The following CMIP variants were observed in gnomAD, a reference collection of about 807,000 sequenced individuals.
CMIP encodes the protein C-Maf-inducing protein.
CMIP carries 13 observed loss-of-function variants against 97.3 expected under a neutral mutation model. The observed-to-expected ratio is 0.13, with a 90% CI of 0.09 to 0.21. The LOEUF (loss-of-function observed/expected upper bound fraction) is 0.21, where lower values mean the gene tolerates loss of function less well. Among genes scored for constraint, CMIP ranks in the 10% least tolerant of loss-of-function variants. The pLI is 1.00. For synonymous variants in CMIP, 538 were observed against 436.3 expected, an observed-to-expected ratio of 1.23 and a Z score of -2.91; for missense variants, 847 against 1,024.9, an observed-to-expected ratio of 0.83 and a Z score of 2.37.
rs1483109723 is a variant in CMIP at position 81,661,369 on chromosome 16, G to A, written c.744+423G>A. Among the ~76,000 whole-genome samples the A allele has an allele frequency of 3.9e-5, 6 of 152,376 alleles. No homozygotes were observed. The East Asian group carries it at 9.6e-4, about 24-fold the overall frequency. The stretch of plus-strand genomic sequence containing the variant: ...GTTAGCTTAGAGGAGCTGTGGAGCA[G>A]GGCATCCGCTGCCGGGCACCCGGCG... On this transcript the variant is annotated intron_variant, in intron 6 of 20. Coordinates refer to ENST00000537098, the MANE Select transcript of CMIP (RefSeq NM_198390.3).
In CMIP at chr16:81,577,539, A is replaced by C. The variant is rs111171279; in HGVS notation, c.301-30028A>C. Among the ~76,000 whole-genome samples, 245 of 88,754 alleles carry C rather than the reference A, an allele frequency of 2.8e-3. 1 individual carries two copies. Among genetic ancestry groups the C allele is most frequent in the Middle Eastern group, 8.8e-3 (1 of 114 alleles). The allele number at this position is 88,754 out of a possible 152,430, so 58.2% of individuals were successfully genotyped here. On this transcript the variant is annotated intron_variant, in intron 1 of 20. Transcript: ENST00000537098. ...TCATCACCACCATCATCCCCATTAC[A>C]ACTATATTATTATCACTATCACCAT...
At chr16:81,600,467 A>G (rs1391914566) in intron 1 of CMIP, among the ~76,000 whole-genome samples, 2 of 152,078 alleles carry the variant, frequency 1.3e-5, no homozygotes, top group Non-Finnish European at 2.9e-5. Context: ...CAAAAACAGT[A>G]AGTGAAAGGA....
At chr16:81,487,296 T>C (rs2089331012) in intron 1 of CMIP, among the ~76,000 whole-genome samples, 1 of 152,054 alleles carries the variant, frequency 6.6e-6, no homozygotes, top group African/African-American at 2.4e-5. Flanking sequence ...AGCAAGGCTG[T>C]CCCGGGCGGT....
intron 1 of CMIP, among the ~76,000 whole-genome samples, chr16:81,511,913 A>G (rs1292737018): frequency 6.6e-6 from 1 of 152,128 alleles, no homozygotes; most frequent in East Asian, 1.9e-4. Flanking sequence ...CCAGCCACAC[A>G]TGGTCGCTGA....
At chr16:81,527,068 C>T (rs559016329) in intron 1 of CMIP, among the ~76,000 whole-genome samples, 26 of 152,284 alleles carry the variant, frequency 1.7e-4, no homozygotes, top group African/African-American at 3.1e-4. Flanking sequence ...ACAACACGCG[C>T]GGGCCAGGCA....
At chr16:81,573,259 G>C (rs1465535599) in intron 1 of CMIP, among the ~76,000 whole-genome samples, 1 of 151,976 alleles carries the variant, frequency 6.6e-6, no homozygotes, top group Non-Finnish European at 1.5e-5. Context: ...CAAGAGAATT[G>C]CTTGAACCTG....
At chr16:81,504,543 T>A (rs1660025234) in intron 1 of CMIP, among the ~76,000 whole-genome samples, 1 of 143,466 alleles carries the variant, frequency 7.0e-6, no homozygotes, top group Non-Finnish European at 1.5e-5. Flanking sequence ...CTCGGGAGGC[T>A]GAGGCAGGAG....
At chr16:81,485,296 CG>C in intron 1 of CMIP, among the ~76,000 whole-genome samples, 1 of 152,320 alleles carries the variant, frequency 6.6e-6, no homozygotes, top group Admixed American at 6.5e-5. Context: ...ATACTGCGAA[CG>C]ACTTTGAAAT....
chr16:81,602,518 A>G (rs1424644000), intron 1 of CMIP, among the ~76,000 whole-genome samples: 1 of 152,230 alleles, frequency 6.6e-6, no homozygotes, highest in African/African-American at 2.4e-5. Flanking sequence ...GTATACAGCC[A>G]AGTGACATCG....
intron 1 of CMIP, among the ~76,000 whole-genome samples, chr16:81,578,277 C>G (rs1296840121): frequency 6.6e-6 from 1 of 152,248 alleles, no homozygotes; most frequent in East Asian, 1.9e-4. Context: ...AGCATCACCA[C>G]TATCACCATC....
intron 1 of CMIP, among the ~76,000 whole-genome samples, chr16:81,487,094 T>G (rs1490468251): frequency 4.6e-5 from 7 of 151,902 alleles, no homozygotes; most frequent in African/African-American, 1.7e-4. Flanking sequence ...CCTGCTGGGC[T>G]GTGCTTGGCC....
intron 9 of CMIP, among the ~76,000 whole-genome samples, chr16:81,676,810 C>T (rs1046473055): frequency 5.3e-5 from 8 of 152,090 alleles, no homozygotes; most frequent in African/African-American, 1.9e-4. Flanking sequence ...CCCCCTCCCA[C>T]CCCTTCCCCC....
chr16:81,660,699 C>T (rs1018511063), intron 5 of CMIP, among the ~76,000 whole-genome samples, 185 bp from the exon 6 acceptor site: 15 of 151,876 alleles, frequency 9.9e-5, no homozygotes, highest in African/African-American at 2.4e-4. Flanking sequence ...CAGACAGATA[C>T]GGTTGTGGAT....
At chr16:81,684,012 C>T (rs1905143930) in intron 10 of CMIP, among the ~76,000 whole-genome samples, 2 of 152,158 alleles carry the variant, frequency 1.3e-5, no homozygotes, top group African/African-American at 4.8e-5. Flanking sequence ...CTGCCCACCT[C>T]AGCCTCCCAA....
intron 3 of CMIP, among the ~76,000 whole-genome samples, chr16:81,622,406 G>A (rs575651549): frequency 6.6e-6 from 1 of 152,280 alleles, no homozygotes; most frequent in African/African-American, 2.4e-5. Flanking sequence ...TTGTGCCCGG[G>A]TACGAGTGTG....
At chr16:81,473,987 C>T (rs924712992) in intron 1 of CMIP, among the ~76,000 whole-genome samples, 44 of 152,230 alleles carry the variant, frequency 2.9e-4, no homozygotes, top group African/African-American at 1.0e-3. Flanking sequence ...TCCCTTTGCT[C>T]CTGGGATCCC....
intron 1 of CMIP, among the ~76,000 whole-genome samples, chr16:81,556,064 C>G (rs1258485609): frequency 2.0e-5 from 3 of 152,072 alleles, no homozygotes; most frequent in African/African-American, 7.2e-5. Flanking sequence ...CCATTTTTTC[C>G]CTGGAAAATG....
chr16:81,707,607 C>G (rs1032747469), intron 20 of CMIP, among the ~76,000 whole-genome samples: 11 of 152,246 alleles, frequency 7.2e-5, no homozygotes, highest in East Asian at 1.9e-4. Flanking sequence ...GGGCTGGTGC[C>G]TCACCACTGA....
chr16:81,707,115 C>A (rs1231014066), intron 20 of CMIP, 31 bp downstream of exon 20: 1 of 1,587,902 alleles, frequency 6.3e-7, no homozygotes, highest in East Asian at 2.2e-5. Context: ...CACTCTCCTC[C>A]CCTCCTTCTT....
Sources: allele counts gnomAD v4.1 joint callset (sites outside exome capture counted in the v4.1 genomes callset), GRCh38; gene constraint gnomAD v4.1.1; transcripts MANE v1.5; gene names NCBI Gene and HGNC (gene_info 2026-07-23, HGNC 2026-07-21).